CFAP299: variants seen among roughly 807,000 people sequenced by gnomAD.
CFAP299 encodes cilia- and flagella-associated protein 299.
CFAP299 carries 21 observed loss-of-function variants against 27.0 expected under a neutral mutation model. The observed-to-expected ratio is 0.78, with a 90% CI of 0.55 to 1.12. CFAP299 has a LOEUF of 1.12. Among genes scored for constraint, CFAP299 ranks in the 50% most tolerant of loss-of-function variants. CFAP299 has a pLI of 0.00. For synonymous variants in CFAP299, 104 were observed against 98.1 expected (o/e 1.06, Z -0.36); for missense variants, 310 against 276.6 (o/e 1.12, Z -0.86).
chr4:80,834,988 A>G (rs1730485703), intron 3 of CFAP299, among the ~76,000 whole-genome samples: 1 of 152,184 alleles, frequency 6.6e-6, no homozygotes, highest in Non-Finnish European at 1.5e-5. Flanking sequence ...AAGTTGTATT[A>G]AAGTCTAATA....
chr4:80,884,218 C>G (rs1210220770), intron 4 of CFAP299, among the ~76,000 whole-genome samples: 1 of 152,160 alleles, frequency 6.6e-6, no homozygotes, highest in Non-Finnish European at 1.5e-5. Context: ...CAGCAGAATA[C>G]ACATTCTTCT....
chr4:80,350,434 G>GTATA (rs1414399929), intron 1 of CFAP299, among the ~76,000 whole-genome samples: 1 of 152,120 alleles, frequency 6.6e-6, no homozygotes, highest in Non-Finnish European at 1.5e-5. Flanking sequence ...CCATTACTGG[G>GTATA]TATATACCCA....
intron 3 of CFAP299, among the ~76,000 whole-genome samples, chr4:80,691,275 A>G (rs1330615192): frequency 7.5e-6 from 1 of 133,844 alleles, no homozygotes; most frequent in South Asian, 2.7e-4. Flanking sequence ...CTTGATGAAC[A>G]TTGATGCAAA....
intron 3 of CFAP299, among the ~76,000 whole-genome samples, chr4:80,775,324 G>A (rs1726472441): frequency 6.6e-6 from 1 of 151,844 alleles, no homozygotes; most frequent in South Asian, 2.1e-4. Flanking sequence ...TACTGGCAAA[G>A]ATTATTTTTT....
intron 2 of CFAP299, among the ~76,000 whole-genome samples, chr4:80,441,623 AAC>A (rs1170510054): frequency 2.0e-5 from 3 of 152,294 alleles, no homozygotes; most frequent in Non-Finnish European, 2.9e-5. Flanking sequence ...AAAGACCATC[AAC>A]ACTATAAAGA....
chr4:80,721,956 C>T (rs1351124412), intron 3 of CFAP299, among the ~76,000 whole-genome samples: 1 of 152,148 alleles, frequency 6.6e-6, no homozygotes, highest in Non-Finnish European at 1.5e-5. Context: ...TCAAAGATGT[C>T]ACTCAAGCAA....
chr4:80,870,645 G>C, intron 4 of CFAP299: 1 of 985,546 alleles, frequency 1.0e-6, no homozygotes, highest in Non-Finnish European at 1.2e-6. Context: ...CTATCACCTA[G>C]CATCTACCCT....
At chr4:80,398,180 A>G (rs1351853124) in intron 2 of CFAP299, among the ~76,000 whole-genome samples, 1 of 152,202 alleles carries the variant, frequency 6.6e-6, no homozygotes, top group Non-Finnish European at 1.5e-5. Flanking sequence ...GCTCAACGAA[A>G]TAAAAGAGGA....
intron 3 of CFAP299, among the ~76,000 whole-genome samples, chr4:80,665,551 G>A (rs1377074443): frequency 6.6e-6 from 1 of 152,072 alleles, no homozygotes; most frequent in African/African-American, 2.4e-5. Flanking sequence ...TTCTCTAGAT[G>A]TGTCTTATTA....
At chr4:80,604,585 T>C (rs1737541778) in intron 3 of CFAP299, among the ~76,000 whole-genome samples, 1 of 152,312 alleles carries the variant, frequency 6.6e-6, no homozygotes. Flanking sequence ...TGCCTGGATA[T>C]TGGCAGTGAA....
rs1195097759 is a variant in CFAP299, at chr4:80,388,204, G to A, written c.242+25320G>A. 5 of 696,338 alleles carry A rather than the reference G, an allele frequency of 7.2e-6. No homozygotes were observed. The East Asian group carries it at 1.3e-4, about 19-fold the overall frequency. The allele number at this position is 696,338 out of a possible 1,614,324, so 43.1% of individuals were successfully genotyped here. On this transcript the variant is annotated intron_variant, in intron 2 of 5. Coordinates refer to ENST00000358105, the MANE Select transcript of CFAP299 (RefSeq NM_152770.3). Reference sequence around the variant, plus strand: ...GGGGTGAAGGCTAGGTGAGGTGGCTGGGCACAGAATGCATGTTCAGGCTGC... The same window carrying A: ...GGGGTGAAGGCTAGGTGAGGTGGCTAGGCACAGAATGCATGTTCAGGCTGC...
intron 2 of CFAP299, among the ~76,000 whole-genome samples, chr4:80,421,811 G>A (rs1034573735): frequency 7.2e-5 from 11 of 152,132 alleles, no homozygotes; most frequent in African/African-American, 2.4e-4. Flanking sequence ...TAAAACTCCA[G>A]TGTTATAATT....
At chr4:80,468,227 T>C (rs2110112908) in intron 2 of CFAP299, among the ~76,000 whole-genome samples, 1 of 151,808 alleles carries the variant, frequency 6.6e-6, no homozygotes, top group East Asian at 1.9e-4. Context: ...TAATTTCTTT[T>C]TTTTTTTTTT....
At chr4:80,778,715 T>C (rs956930536) in intron 3 of CFAP299, among the ~76,000 whole-genome samples, 1 of 152,034 alleles carries the variant, frequency 6.6e-6, no homozygotes, top group African/African-American at 2.4e-5. Flanking sequence ...ACCAACTACA[T>C]CTTTTAAAAA....
chr4:80,813,831 T>C lies in CFAP299; in HGVS notation c.334-56162T>C, dbSNP rs1447216978. Among the ~76,000 whole-genome samples, 3 of 152,116 alleles carry C rather than the reference T, an allele frequency of 2.0e-5. No individual in the cohort carries two copies. In the East Asian group the frequency reaches 5.8e-4, roughly 29 times the overall value. Reference sequence around the variant, plus strand: ...TGATGCAGTAAAAACTTTGATATAATTTATTATCCAGAAAAGGAAAAAAAC... The same window carrying C: ...TGATGCAGTAAAAACTTTGATATAACTTATTATCCAGAAAAGGAAAAAAAC... On this transcript the variant is annotated intron_variant, in intron 3 of 5. Transcript: ENST00000358105.
rs572505985 is a variant in CFAP299 at position 80,679,160 on chromosome 4, C to T, written c.333+95977C>T. Among the ~76,000 whole-genome samples the T allele has an allele frequency of 3.3e-5, 5 of 152,136 alleles. 1 individual carries two copies. In the South Asian group the frequency reaches 8.3e-4, roughly 25 times the overall value. On this transcript the variant is annotated intron_variant, in intron 3 of 5. Transcript: ENST00000358105. ...AGAATTATATACAAATAGGATTATA[C>T]ACTGTATAATATTTTGAAATGGACT...
Position 80,634,879 on chromosome 4 carries a change from C to A in CFAP299, c.333+51696C>A, listed in dbSNP as rs972264516. On this transcript the variant is annotated intron_variant, in intron 3 of 5. Transcript: ENST00000358105. ...AGAGTACCATTTAGTGAATGCCAAC[C>A]AAACTAGAATTTGCTAACATGTAAA... Among the ~76,000 whole-genome samples, 16 of 152,118 alleles carry A rather than the reference C, an allele frequency of 1.1e-4. No individual in the cohort carries two copies. In the South Asian group the frequency reaches 3.1e-3, roughly 30 times the overall value.
intron 2 of CFAP299, chr4:80,387,815 T>A: frequency 1.3e-6 from 2 of 1,558,446 alleles, no homozygotes; most frequent in Non-Finnish European, 1.8e-6. Context: ...GCCTTTGGCT[T>A]CCCTGTAGCT....
At chr4:80,695,674 C>CT (rs5859732) in intron 3 of CFAP299, among the ~76,000 whole-genome samples, 90,639 of 136,912 alleles carry the variant, frequency 0.66, 32,849 homozygotes, top group Non-Finnish European at 0.8. Flanking sequence ...CCTTATCATC[C>CT]TTTTTTTTTT....
Sources: allele counts gnomAD v4.1 joint callset (sites outside exome capture counted in the v4.1 genomes callset), GRCh38; gene constraint gnomAD v4.1.1; transcripts MANE v1.5; gene names NCBI Gene and HGNC (gene_info 2026-07-23, HGNC 2026-07-21).